SRGAP1: variants seen among roughly 807,000 people sequenced by gnomAD.
The protein encoded by SRGAP1 is SLIT-ROBO Rho GTPase-activating protein 1.
Under a neutral mutation model 121.9 loss-of-function variants are expected in SRGAP1, and 43 were observed. The observed-to-expected ratio is 0.35, with a 90% CI of 0.28 to 0.46. The LOEUF (loss-of-function observed/expected upper bound fraction) is 0.46. SRGAP1 is among the 20% of genes least tolerant of loss of function. SRGAP1 has a pLI of 1.00. For missense variants in SRGAP1, 1,102 were observed against 1,350.9 expected (o/e 0.82, Z 2.89); for synonymous variants, 447 against 485.4 (o/e 0.92, Z 1.04).
chr12:63,922,185 G>T (rs2031084403), intron 1 of SRGAP1, among the ~76,000 whole-genome samples: 1 of 151,966 alleles, frequency 6.6e-6, no homozygotes, highest in Non-Finnish European at 1.5e-5. Context: ...TGCCATATTG[G>T]CCAGGCTGGT....
intron 6 of SRGAP1, among the ~76,000 whole-genome samples, chr12:64,052,175 G>C (rs1166361877): frequency 1.3e-5 from 2 of 152,132 alleles, no homozygotes; most frequent in Non-Finnish European, 2.9e-5. Flanking sequence ...GGGTACTCCA[G>C]ATATTGAATT....
chr12:64,043,025 A>G (rs1430849101), intron 5 of SRGAP1, 53 bp downstream of exon 5: 14 of 1,244,808 alleles, frequency 1.1e-5, no homozygotes, highest in Non-Finnish European at 1.4e-5. Context: ...AGACAATACT[A>G]AGAACACTGA....
intron 1 of SRGAP1, among the ~76,000 whole-genome samples, chr12:63,882,813 T>A (rs889449128): frequency 6.6e-6 from 1 of 152,262 alleles, no homozygotes; most frequent in African/African-American, 2.4e-5. Flanking sequence ...CTTGGTTTTA[T>A]GTTTAGGTAC....
intron 1 of SRGAP1, among the ~76,000 whole-genome samples, chr12:63,883,224 A>C (rs917223560): frequency 3.9e-5 from 6 of 152,208 alleles, no homozygotes; most frequent in Admixed American, 2.0e-4. Context: ...GATTGAACCC[A>C]CCTCAGTTTA....
In SRGAP1 at chr12:64,156,249, C is replaced by T. The variant is rs2037163436; in HGVS notation, c.*13577C>T. On this transcript the variant is annotated 3_prime_UTR_variant, in exon 22 of 22. Transcript: ENST00000355086. ...TTGTCTTCATCAGAATTTATTGAAT[C>T]CTGATTATTTTTTCCTTAATGTTGA... 6.6e-6 allele frequency: 1 copy of T among 152,124 alleles called. No individual in the cohort carries two copies. Among genetic ancestry groups the T allele is most frequent in the Non-Finnish European group, 1.5e-5 (1 of 68,030 alleles). The allele number at this position is 152,124 out of a possible 1,614,324, so 9.4% of individuals were successfully genotyped here. A position where few individuals can be genotyped will look rare whatever the true frequency, so the allele number is the denominator to read the frequency against.
At chr12:64,010,977 T>G (rs1280282163) in intron 3 of SRGAP1, among the ~76,000 whole-genome samples, 1 of 151,586 alleles carries the variant, frequency 6.6e-6, no homozygotes, top group Admixed American at 6.6e-5. Flanking sequence ...TGGGGGCAAG[T>G]TGAAGTTACC....
At chr12:63,922,597 T>A (rs944938520) in intron 1 of SRGAP1, among the ~76,000 whole-genome samples, 2 of 152,222 alleles carry the variant, frequency 1.3e-5, no homozygotes, top group Non-Finnish European at 2.9e-5. Context: ...GCATCAGTGC[T>A]TGCCACTTCT....
rs141854046 is a variant in SRGAP1, at chr12:64,003,023, T to TGAGA, written c.426+12976_426+12979dup. Among the ~76,000 whole-genome samples, 1,048 of 106,828 alleles carry TGAGA rather than the reference T, an allele frequency of 9.8e-3. 12 individuals are homozygous for TGAGA. Among genetic ancestry groups the TGAGA allele is most frequent in the South Asian group, 0.053 (160 of 3,014 alleles). The allele number at this position is 106,828 out of a possible 152,430, so 70.1% of individuals were successfully genotyped here. On this transcript the variant is annotated intron_variant, in intron 3 of 21. Transcript: ENST00000355086. ...ATCTTGGGGGGGGTGTGTATGTGAG[T>TGAGA]GAGAGAGAGAGAGAGAGAGAGAGAG...
In SRGAP1 at chr12:64,151,434, G is replaced by A. The variant is rs763741922; in HGVS notation, c.*8762G>A. 5.3e-5 allele frequency: 8 copies of A among 151,696 alleles called. No homozygotes were observed. The highest frequency in any genetic ancestry group is 8.8e-5 in the Non-Finnish European group (6 of 67,928). The allele number at this position is 151,696 out of a possible 1,614,324, so 9.4% of individuals were successfully genotyped here. A position where few individuals can be genotyped will look rare whatever the true frequency, so the allele number is the denominator to read the frequency against. On this transcript the variant is annotated 3_prime_UTR_variant, in exon 22 of 22. Transcript: ENST00000355086. Reference sequence around the variant, plus strand: ...GGTTTTGTTTTTTTTTCAATTGAATGTTATGTTGTGGTGAGCAGCTCTGTA... The same window carrying A: ...GGTTTTGTTTTTTTTTCAATTGAATATTATGTTGTGGTGAGCAGCTCTGTA...
intron 1 of SRGAP1, among the ~76,000 whole-genome samples, chr12:63,885,452 C>A (rs1295187577): frequency 6.6e-6 from 1 of 152,212 alleles, no homozygotes; most frequent in African/African-American, 2.4e-5. Context: ...AAGCTCCCCA[C>A]ACTCTCTTGG....
intron 1 of SRGAP1, among the ~76,000 whole-genome samples, chr12:63,965,214 A>G (rs770599355): frequency 2.0e-5 from 3 of 152,218 alleles, no homozygotes; most frequent in Non-Finnish European, 4.4e-5. Context: ...TTCTACCTAT[A>G]TAGACCAGTG....
intron 1 of SRGAP1, among the ~76,000 whole-genome samples, chr12:63,855,357 A>G (rs1350525277): frequency 6.6e-6 from 1 of 152,058 alleles, no homozygotes; most frequent in Non-Finnish European, 1.5e-5. Flanking sequence ...TCTTGCTGCA[A>G]GGGAAGCTGG....
intron 18 of SRGAP1, among the ~76,000 whole-genome samples, chr12:64,118,428 C>A (rs956301039): frequency 1.3e-5 from 2 of 151,878 alleles, no homozygotes; most frequent in Non-Finnish European, 2.9e-5. Context: ...TTCTACCACA[C>A]CCAGCTAATT....
At chr12:63,912,191 A>G (rs1259361689) in intron 1 of SRGAP1, among the ~76,000 whole-genome samples, 1 of 152,142 alleles carries the variant, frequency 6.6e-6, no homozygotes, top group African/African-American at 2.4e-5. Context: ...TGAGTGTTTT[A>G]CTTGTATTAA....
chr12:63,873,251 C>T (rs558609108), intron 1 of SRGAP1, among the ~76,000 whole-genome samples: 128 of 151,998 alleles, frequency 8.4e-4, no homozygotes, highest in African/African-American at 2.9e-3. Flanking sequence ...GGAAAGTTGG[C>T]CGGGCGCGGT....
intron 3 of SRGAP1, among the ~76,000 whole-genome samples, chr12:64,010,588 C>G (rs2034223643): frequency 6.6e-6 from 1 of 152,078 alleles, no homozygotes; most frequent in African/African-American, 2.4e-5. Flanking sequence ...GCTCCTGTAC[C>G]TCCAGGGTGC....
chr12:63,944,075 C>T (rs937726159), intron 1 of SRGAP1, among the ~76,000 whole-genome samples: 4 of 152,274 alleles, frequency 2.6e-5, no homozygotes, highest in Non-Finnish European at 5.9e-5. Context: ...GCATTTGTCT[C>T]ATTTGGTAAT....
intron 1 of SRGAP1, among the ~76,000 whole-genome samples, chr12:63,849,930 C>T (rs1453252179): frequency 6.6e-6 from 1 of 152,150 alleles, no homozygotes; most frequent in Non-Finnish European, 1.5e-5. Context: ...CCTATTGAGA[C>T]TTTACATTCA....
At chr12:64,059,878 A>G (rs1484666142) in intron 6 of SRGAP1, among the ~76,000 whole-genome samples, 1 of 152,136 alleles carries the variant, frequency 6.6e-6, no homozygotes, top group Admixed American at 6.5e-5. Flanking sequence ...TGCATTTCAC[A>G]ATTGTATTTT....
Sources: allele counts gnomAD v4.1 joint callset (sites outside exome capture counted in the v4.1 genomes callset), GRCh38; gene constraint gnomAD v4.1.1; transcripts MANE v1.5; gene names NCBI Gene and HGNC (gene_info 2026-07-23, HGNC 2026-07-21).